The following SH3GL2 variants were observed in gnomAD, a reference collection of about 807,000 sequenced individuals.
SH3GL2 encodes the protein SH3 domain containing GRB2 like 2, endophilin A1.
A neutral mutation model predicts 46.0 loss-of-function variants in SH3GL2; 24 were observed. That is an observed-to-expected ratio of 0.52 (90% confidence interval 0.38 to 0.73). SH3GL2 has a LOEUF of 0.73. Among genes scored for constraint, SH3GL2 ranks in the 30% least tolerant of loss-of-function variants. The probability of loss-of-function intolerance (pLI) is 0.00; values close to 1 mark genes in which losing one functional copy is unlikely to be tolerated. For synonymous variants in SH3GL2, 196 were observed against 147.1 expected, an observed-to-expected ratio of 1.33 and a Z score of -2.40; for missense variants, 413 against 424.2, an observed-to-expected ratio of 0.97 and a Z score of 0.23.
chr9:17,786,627 G>T, intron 4 of SH3GL2, 103 bp downstream of exon 4: 1 of 1,321,760 alleles, frequency 7.6e-7, no homozygotes, highest in Non-Finnish European at 1.1e-6. Flanking sequence ...TTTATATTTT[G>T]GTTTTCAGTT....
intron 1 of SH3GL2, among the ~76,000 whole-genome samples, chr9:17,743,312 T>C (rs531866794): frequency 1.6e-4 from 25 of 152,342 alleles, no homozygotes; most frequent in South Asian, 2.1e-4. Context: ...ATAGATGTTA[T>C]TTTTAATATT....
chr9:17,712,063 A>G (rs1483030020), intron 1 of SH3GL2, among the ~76,000 whole-genome samples: 2 of 151,942 alleles, frequency 1.3e-5, no homozygotes, highest in East Asian at 1.9e-4. Flanking sequence ...CTTAATGACC[A>G]ATGATGTTGA....
intron 1 of SH3GL2, among the ~76,000 whole-genome samples, chr9:17,690,154 A>G (rs946571334): frequency 6.6e-6 from 1 of 152,000 alleles, no homozygotes; most frequent in Non-Finnish European, 1.5e-5. Flanking sequence ...GCAGTTGTAT[A>G]CCTCTGATTT....
chr9:17,749,489 G>A (rs190892681), intron 2 of SH3GL2, among the ~76,000 whole-genome samples: 4 of 152,208 alleles, frequency 2.6e-5, no homozygotes, highest in African/African-American at 9.6e-5. Flanking sequence ...TTGCCACGTG[G>A]CCAATGTCAT....
chr9:17,644,858 G>C (rs192204968), intron 1 of SH3GL2, among the ~76,000 whole-genome samples: 31 of 152,178 alleles, frequency 2.0e-4, no homozygotes, highest in African/African-American at 7.2e-4. Context: ...CCAGAGCTGA[G>C]TTCAAGTCGT....
intron 1 of SH3GL2, among the ~76,000 whole-genome samples, chr9:17,617,429 G>C (rs1234925558): frequency 6.6e-6 from 1 of 152,164 alleles, no homozygotes; most frequent in Non-Finnish European, 1.5e-5. Context: ...GAAGGCAAAT[G>C]GGATTTCATG....
rs141417926 is a variant in SH3GL2 at position 17,786,727 on chromosome 9, C to G, written c.331+203C>G. On this transcript the variant is annotated intron_variant, in intron 4 of 8. Transcript: ENST00000380607. Reference sequence around the variant, plus strand: ...TTATCTTACAAGTTTTCTTCCCACCCCCCCCACTATAAGACCTCAGTCTTT... The same window carrying G: ...TTATCTTACAAGTTTTCTTCCCACCGCCCCCACTATAAGACCTCAGTCTTT... 2.6e-3 allele frequency among the ~76,000 whole-genome samples: 391 copies of G among 152,152 alleles called. 1 individual carries two copies. Among genetic ancestry groups the G allele is most frequent in the African/African-American group, 8.9e-3 (371 of 41,526 alleles).
At chr9:17,651,744 A>G (rs963962510) in intron 1 of SH3GL2, among the ~76,000 whole-genome samples, 9 of 152,138 alleles carry the variant, frequency 5.9e-5, no homozygotes, top group Non-Finnish European at 1.0e-4. Flanking sequence ...CACTTTAAAG[A>G]TGTTGTTTTC....
chr9:17,644,024 C>T (rs1377472206), intron 1 of SH3GL2, among the ~76,000 whole-genome samples: 1 of 152,108 alleles, frequency 6.6e-6, no homozygotes, highest in African/African-American at 2.4e-5. Flanking sequence ...TGTTATTGGT[C>T]TGTTCAGGGA....
intron 1 of SH3GL2, among the ~76,000 whole-genome samples, chr9:17,743,892 A>T (rs1009594543): frequency 6.6e-6 from 1 of 152,232 alleles, no homozygotes; most frequent in Non-Finnish European, 1.5e-5. Flanking sequence ...AGGATTCTCT[A>T]TTAATGAAAG....
At chr9:17,787,883 G>A (rs1824006981) in intron 5 of SH3GL2, among the ~76,000 whole-genome samples, 1 of 152,098 alleles carries the variant, frequency 6.6e-6, no homozygotes, top group Admixed American at 6.5e-5. Flanking sequence ...CTAGTTGTTA[G>A]CTTAAATAAA....
intron 1 of SH3GL2, among the ~76,000 whole-genome samples, chr9:17,620,667 A>G (rs556315177): frequency 6.6e-5 from 10 of 152,302 alleles, no homozygotes; most frequent in South Asian, 2.1e-4. Flanking sequence ...TTGGAGAGAA[A>G]TGGAGGCATC....
intron 1 of SH3GL2, among the ~76,000 whole-genome samples, chr9:17,630,649 G>C (rs1486868703): frequency 6.6e-6 from 1 of 152,190 alleles, no homozygotes; most frequent in Admixed American, 6.5e-5. Context: ...CATAACACCA[G>C]TGGGACCAGA....
intron 1 of SH3GL2, among the ~76,000 whole-genome samples, chr9:17,591,595 T>A (rs1818482383): frequency 1.3e-5 from 2 of 152,196 alleles, no homozygotes; most frequent in Admixed American, 1.3e-4. Context: ...ATACAGAGTG[T>A]TTGTAAAGAT....
chr9:17,740,967 C>G (rs985943171), intron 1 of SH3GL2, among the ~76,000 whole-genome samples: 1 of 152,022 alleles, frequency 6.6e-6, no homozygotes, highest in Non-Finnish European at 1.5e-5. Flanking sequence ...GACTGGAATT[C>G]ATGTGTCTTG....
At chr9:17,665,033 G>A (rs1820309052) in intron 1 of SH3GL2, among the ~76,000 whole-genome samples, 1 of 152,060 alleles carries the variant, frequency 6.6e-6, no homozygotes, top group African/African-American at 2.4e-5. Context: ...ACTTCCATGT[G>A]TACTCTTTAC....
At chr9:17,737,149 C>T (rs903374125) in intron 1 of SH3GL2, among the ~76,000 whole-genome samples, 1 of 151,736 alleles carries the variant, frequency 6.6e-6, no homozygotes, top group Non-Finnish European at 1.5e-5. Flanking sequence ...GGGAGTTGAA[C>T]AATGAGAACA....
intron 1 of SH3GL2, among the ~76,000 whole-genome samples, chr9:17,615,813 A>G (rs901654866): frequency 6.6e-6 from 1 of 151,978 alleles, no homozygotes; most frequent in Non-Finnish European, 1.5e-5. Context: ...GAAAATTTTT[A>G]ATGCTAACTT....
At chr9:17,716,211 AT>A (rs1380117149) in intron 1 of SH3GL2, among the ~76,000 whole-genome samples, 1 of 151,942 alleles carries the variant, frequency 6.6e-6, no homozygotes, top group African/African-American at 2.4e-5. Context: ...TGTCATTTGG[AT>A]CTTTTATTTT....
Sources: gnomAD v4.1 joint callset for allele counts (sites outside exome capture counted in the v4.1 genomes callset) on GRCh38, gnomAD v4.1.1 for gene constraint, MANE v1.5 for transcripts, NCBI Gene and HGNC (gene_info 2026-07-23, HGNC 2026-07-21) for gene names.